Variants in PCMT1 observed in about 807,000 individuals in gnomAD.
PCMT1 encodes the protein protein-L-isoaspartate(D-aspartate) O-methyltransferase.
In PCMT1, 9 loss-of-function variants were observed where a neutral mutation model predicts 29.2. That is an observed-to-expected ratio of 0.31 (90% CI 0.19 to 0.54). The LOEUF (loss-of-function observed/expected upper bound fraction) is 0.54, where lower values mean the gene tolerates loss of function less well. Among genes scored for constraint, PCMT1 ranks in the 20% least tolerant of loss-of-function variants. The pLI is 0.95. For synonymous variants in PCMT1, 98 were observed against 97.5 expected, an observed-to-expected ratio of 1.00 and a Z score of -0.03; for missense variants, 184 against 282.2, an observed-to-expected ratio of 0.65 and a Z score of 2.49.
At chr6:149,800,068 G>C (rs1788763828) in intron 6 of PCMT1, among the ~76,000 whole-genome samples, 1 of 152,130 alleles carries the variant, frequency 6.6e-6, no homozygotes, top group Non-Finnish European at 1.5e-5. Context: ...GAAGTCAGCT[G>C]TTTTTCATTA....
intron 3 of PCMT1, among the ~76,000 whole-genome samples, chr6:149,777,556 T>C (rs1450359149): frequency 1.3e-5 from 2 of 152,148 alleles, no homozygotes; most frequent in African/African-American, 4.8e-5. Flanking sequence ...AAAATAAGAA[T>C]GAAACAGTAT....
intron 3 of PCMT1, among the ~76,000 whole-genome samples, chr6:149,779,342 G>A (rs912752174): frequency 6.6e-6 from 1 of 152,026 alleles, no homozygotes; most frequent in Non-Finnish European, 1.5e-5. Flanking sequence ...CCTAACTCCT[G>A]CCACAAACTG....
At chr6:149,770,536 C>G (rs1787269700) in intron 1 of PCMT1, among the ~76,000 whole-genome samples, 1 of 151,794 alleles carries the variant, frequency 6.6e-6, no homozygotes, top group Non-Finnish European at 1.5e-5. Flanking sequence ...GAAACCCCAT[C>G]CCTACTAAAA....
chr6:149,792,666 T>C (rs13215691), intron 4 of PCMT1, among the ~76,000 whole-genome samples: 75,077 of 151,222 alleles, frequency 0.5, 20,582 homozygotes, highest in East Asian at 0.83. Context: ...AGGAGGCACA[T>C]GCTACCACAC....
chr6:149,758,848 A>T (rs145419713), intron 1 of PCMT1, among the ~76,000 whole-genome samples: 1 of 152,286 alleles, frequency 6.6e-6, no homozygotes, highest in African/African-American at 2.4e-5. Context: ...TTGCCATCAC[A>T]TAAAATTCTT....
At chr6:149,787,369 ATT>A (rs1189480544) in intron 3 of PCMT1, among the ~76,000 whole-genome samples, 1 of 140,782 alleles carries the variant, frequency 7.1e-6, no homozygotes. Flanking sequence ...AATAGTTATA[ATT>A]TTTTTTTTTT....
intron 1 of PCMT1, among the ~76,000 whole-genome samples, chr6:149,752,585 T>C (rs2115189043): frequency 6.6e-6 from 1 of 152,280 alleles, no homozygotes; most frequent in Non-Finnish European, 1.5e-5. Flanking sequence ...GCTACAACAG[T>C]AGTATGAAGT....
intron 1 of PCMT1, among the ~76,000 whole-genome samples, chr6:149,762,975 G>GATATATATATCTATGATATATATT: frequency 1.8e-5 from 1 of 55,430 alleles, no homozygotes; most frequent in Non-Finnish European, 2.5e-5. Flanking sequence ...TGATATATAT[G>GATATATATATCTATGATATATATT]ATATATATAT....
At chr6:149,790,522 T>TC (rs1788319818) in intron 4 of PCMT1, among the ~76,000 whole-genome samples, 1 of 151,410 alleles carries the variant, frequency 6.6e-6, no homozygotes, top group Non-Finnish European at 1.5e-5. Context: ...TTTTCTTTTT[T>TC]TTTTTTTTTT....
At chr6:149,779,185 CG>C (rs370956305) in intron 3 of PCMT1, among the ~76,000 whole-genome samples, 3 of 152,192 alleles carry the variant, frequency 2.0e-5, no homozygotes, top group African/African-American at 7.2e-5. Context: ...CTCCCTAGCT[CG>C]GCTGTAAAGT....
chr6:149,781,129 G>C (rs567246294), intron 3 of PCMT1, among the ~76,000 whole-genome samples: 2 of 146,532 alleles, frequency 1.4e-5, no homozygotes, highest in Middle Eastern at 3.9e-3. Context: ...TTTCATGTGC[G>C]TTTTGGCCAT....
At chr6:149,763,900 A>C (rs1357019876) in intron 1 of PCMT1, among the ~76,000 whole-genome samples, 1 of 152,218 alleles carries the variant, frequency 6.6e-6, no homozygotes, top group African/African-American at 2.4e-5. Flanking sequence ...TAACACTAAG[A>C]GTGTCATGTG....
chr6:149,774,202 A>G (rs952429502), intron 3 of PCMT1, among the ~76,000 whole-genome samples: 3 of 150,598 alleles, frequency 2.0e-5, no homozygotes, highest in Admixed American at 2.0e-4. Flanking sequence ...CTTTTGTTTT[A>G]TTTTGTAGGA....
rs61038108 is a variant in PCMT1, at chr6:149,756,512, C to CTTTT, written c.55+6585_55+6588dup. 1.8e-3 allele frequency among the ~76,000 whole-genome samples: 138 copies of CTTTT among 74,694 alleles called. 9 individuals carry two copies. Among genetic ancestry groups the CTTTT allele is most frequent in the Non-Finnish European group, 2.6e-3 (99 of 38,054 alleles). 49.0% of individuals were successfully genotyped at this position (74,694 alleles called of 152,430 possible). On this transcript the variant is annotated intron_variant, in intron 1 of 7. Transcript: ENST00000464889. The stretch of plus-strand genomic sequence containing the variant: ...TACAGATGCACACCACCATGACTGG[C>CTTTT]TTTTTTTTTTTTTTTTTTTTTTTTT...
chr6:149,776,415 C>A (rs993025393), intron 3 of PCMT1, among the ~76,000 whole-genome samples: 1 of 151,900 alleles, frequency 6.6e-6, no homozygotes, highest in Non-Finnish European at 1.5e-5. Context: ...CCATGCCCGG[C>A]TAATTTTTGT....
intron 7 of PCMT1, among the ~76,000 whole-genome samples, chr6:149,803,051 T>TAAAA (rs1775890340): frequency 1.3e-4 from 1 of 7,708 alleles, no homozygotes; most frequent in Non-Finnish European, 2.9e-4. Flanking sequence ...AGGCTCTGTC[T>TAAAA]CAAAAAAAAA....
At chr6:149,761,473 A>T (rs1249498352) in intron 1 of PCMT1, among the ~76,000 whole-genome samples, 1 of 152,070 alleles carries the variant, frequency 6.6e-6, no homozygotes, top group Non-Finnish European at 1.5e-5. Flanking sequence ...TCTTGTGATT[A>T]TCTTCATATC....
intron 1 of PCMT1, among the ~76,000 whole-genome samples, chr6:149,767,405 C>T (rs1787134453): frequency 6.6e-6 from 1 of 151,930 alleles, no homozygotes; most frequent in Admixed American, 6.6e-5. Context: ...CCTTGAATTT[C>T]TTGAAAATGC....
intron 1 of PCMT1, among the ~76,000 whole-genome samples, chr6:149,768,922 A>G (rs1164351685): frequency 6.6e-6 from 1 of 152,028 alleles, no homozygotes; most frequent in African/African-American, 2.4e-5. Flanking sequence ...CCACCGCGCC[A>G]GCCTGGCTAA....
Sources: allele counts gnomAD v4.1 joint callset (sites outside exome capture counted in the v4.1 genomes callset), GRCh38; gene constraint gnomAD v4.1.1; transcripts MANE v1.5; gene names NCBI Gene and HGNC (gene_info 2026-07-23, HGNC 2026-07-21).